Variants in ZNF611 observed in about 807,000 individuals in gnomAD.
ZNF611 encodes the protein zinc finger protein 611.
ZNF611 carries 6 observed loss-of-function variants against 8.9 expected under a neutral mutation model. That is an observed-to-expected ratio of 0.68 (90% CI 0.37 to 1.34). The LOEUF (loss-of-function observed/expected upper bound fraction) is 1.34. ZNF611 is among the 40% of genes most tolerant of loss of function. The pLI is 0.02. For synonymous variants in ZNF611, 262 were observed against 279.7 expected, an observed-to-expected ratio of 0.94 and a Z score of 0.63; for missense variants, 874 against 841.3, an observed-to-expected ratio of 1.04 and a Z score of -0.48.
rs535989904 is a variant in ZNF611, at chr19:52,706,850, A to G, written c.205T>C (p.Cys69Arg). ...GTTGACAAGACCTCCTTCATCATGC[A>G]TTTGGAAGAGATATCTACAAAATAT... ...NLEAVDISSK[C>R]MMKEVLSTGQ... The change falls in exon 6 of 6, where the codon TGC becomes CGC. Residue 69 changes from cysteine (C) to arginine (R), a missense_variant. Cys to Arg is a radical substitution (Grantham distance 180). Transcript: ENST00000652185. The G allele has an allele frequency of 2.5e-5, 41 of 1,609,434 alleles. No individual in the cohort carries two copies. Among genetic ancestry groups the G allele is most frequent in the Non-Finnish European group, 3.3e-5 (39 of 1,178,478 alleles).
In ZNF611 at chr19:52,714,556, A is replaced by C. The variant is rs560728796; in HGVS notation, c.64-415T>G. Among the ~76,000 whole-genome samples the C allele has an allele frequency of 1.5e-3, 220 of 151,268 alleles. 1 individual carries two copies. The highest frequency in any genetic ancestry group is 2.8e-3 in the Admixed American group (43 of 15,140). On this transcript the variant is annotated intron_variant, in intron 4 of 5. Transcript: ENST00000652185. ...TATAAAAATTAGCCGGGCATGGTAG[A>C]AGGCACCTGTAATCCCAGCTACACA...
intron 5 of ZNF611, chr19:52,711,169 C>T (rs1314945866): frequency 1.3e-5 from 2 of 151,762 alleles, no homozygotes; most frequent in Non-Finnish European, 2.9e-5. Context: ...CCCATCTCTA[C>T]TAAAAATACA....
At chr19:52,713,041 C>G (rs1004095988) in intron 5 of ZNF611, among the ~76,000 whole-genome samples, 1 of 152,014 alleles carries the variant, frequency 6.6e-6, no homozygotes, top group Non-Finnish European at 1.5e-5. Flanking sequence ...ATAGAACTAC[C>G]AAAAATTAGT....
chr19:52,713,120 C>A, intron 5 of ZNF611, among the ~76,000 whole-genome samples: 1 of 151,944 alleles, frequency 6.6e-6, no homozygotes. Flanking sequence ...CGCTTGAACC[C>A]AAAAGGAGGA....
At chr19:52,722,937 G>A (rs1450740739) in intron 3 of ZNF611, among the ~76,000 whole-genome samples, 1 of 149,086 alleles carries the variant, frequency 6.7e-6, no homozygotes, top group Non-Finnish European at 1.5e-5. Flanking sequence ...TAGAGATGGG[G>A]GCAATGACTA....
chr19:52,716,020 AC>A (rs1200843454), intron 3 of ZNF611, 107 bp from the exon 4 acceptor site: 26 of 1,212,510 alleles, frequency 2.1e-5, no homozygotes, highest in African/African-American at 3.0e-5. Flanking sequence ...GAAGTCCCCC[AC>A]TGCCCACTGC....
chr19:52,714,778 T>C (rs2062305199), intron 4 of ZNF611, among the ~76,000 whole-genome samples: 1 of 146,740 alleles, frequency 6.8e-6, no homozygotes, highest in African/African-American at 2.6e-5. Context: ...GACGGGCAGA[T>C]AATGTGGTCA....
chr19:52,718,109 C>G (rs553860292), intron 3 of ZNF611, among the ~76,000 whole-genome samples: 33 of 152,058 alleles, frequency 2.2e-4, no homozygotes, highest in African/African-American at 7.5e-4. Flanking sequence ...CTTTGGGAGG[C>G]CAGGGCATGA....
chr19:52,730,417 A>AAAAAC (rs2062419047), intron 1 of ZNF611, among the ~76,000 whole-genome samples: 1 of 128,858 alleles, frequency 7.8e-6, no homozygotes, highest in African/African-American at 3.2e-5. Context: ...AAAAAAAAAA[A>AAAAAC]AAAAAAACAT....
At chr19:52,727,689 A>G (rs1290569491) in intron 3 of ZNF611, among the ~76,000 whole-genome samples, 1 of 152,114 alleles carries the variant, frequency 6.6e-6, no homozygotes, top group Non-Finnish European at 1.5e-5. Flanking sequence ...CCACCTTGGC[A>G]TATCAATGTA....
chr19:52,732,412 A>C (rs2062431719), intron 1 of ZNF611, among the ~76,000 whole-genome samples: 1 of 130,448 alleles, frequency 7.7e-6, no homozygotes, highest in Non-Finnish European at 1.6e-5. Context: ...AACTCACAGT[A>C]TTGAGTTATT....
At chr19:52,725,333 A>T (rs552079311) in intron 3 of ZNF611, among the ~76,000 whole-genome samples, 6 of 152,128 alleles carry the variant, frequency 3.9e-5, no homozygotes, top group African/African-American at 7.2e-5. Flanking sequence ...CAGGCAGAGG[A>T]CCCAGCCTCC....
At chr19:52,726,199 G>GAA (rs1368162967) in intron 3 of ZNF611, among the ~76,000 whole-genome samples, 1 of 152,122 alleles carries the variant, frequency 6.6e-6, no homozygotes, top group Non-Finnish European at 1.5e-5. Flanking sequence ...GCGGGACTGG[G>GAA]TGCTCAGGCC....
At position 52,714,155 on chromosome 19, in the gene ZNF611, C is replaced by G; in HGVS notation, c.64-14G>C. 6.2e-7 allele frequency: 1 copy of G among 1,611,338 alleles called. No individual in the cohort carries two copies. Among genetic ancestry groups the G allele is most frequent in the Non-Finnish European group, 8.5e-7 (1 of 1,179,404 alleles). On this transcript the variant is annotated splice_polypyrimidine_tract_variant and intron_variant, in intron 4 of 5. Transcript: ENST00000652185. ...AGTCAAGCGTCCCTAAAATGAAACA[C>G]ACATTTCAACAAAACATTATGGAGT...
chr19:52,712,399 G>A (rs1181526771), intron 5 of ZNF611, among the ~76,000 whole-genome samples: 3 of 126,318 alleles, frequency 2.4e-5, no homozygotes, highest in Non-Finnish European at 3.2e-5. Context: ...GGTGGATCAT[G>A]TTGTCAGGAG....
chr19:52,716,596 G>T (rs1321753804), intron 3 of ZNF611, among the ~76,000 whole-genome samples: 2 of 152,128 alleles, frequency 1.3e-5, no homozygotes, highest in African/African-American at 4.8e-5. Flanking sequence ...GTGAGGGTTG[G>T]GCTGTGTGTA....
chr19:52,713,866 C>T lies in ZNF611; in HGVS notation c.190+149G>A, dbSNP rs1010071139. ...AGATCATACCATTGCACTCCAGCCT[C>T]GGCAATAGGAGCGAAACACCATCTC... On this transcript the variant is annotated intron_variant, in intron 5 of 5. Coordinates refer to ENST00000652185, the MANE Select transcript of ZNF611 (RefSeq NM_001161499.2). 20 of 1,466,282 alleles carry T rather than the reference C, an allele frequency of 1.4e-5. No individual in the cohort carries two copies. In the Admixed American group the frequency reaches 1.8e-4, roughly 13 times the overall value. The allele number at this position is 1,466,282 out of a possible 1,614,324, so 90.8% of individuals were successfully genotyped here.
intron 5 of ZNF611, chr19:52,707,683 G>T (rs1249469520): frequency 2.6e-5 from 4 of 151,686 alleles, no homozygotes; most frequent in Non-Finnish European, 4.4e-5. Context: ...ACTCCAGCTT[G>T]GAGTGCCATG....
chr19:52,707,925 C>T (rs755774085), intron 5 of ZNF611, among the ~76,000 whole-genome samples: 6 of 152,082 alleles, frequency 3.9e-5, no homozygotes, highest in Non-Finnish European at 8.8e-5. Flanking sequence ...GCCACTGCAC[C>T]TGGTGGCACT....
Sources: allele counts gnomAD v4.1 joint callset (sites outside exome capture counted in the v4.1 genomes callset), GRCh38; gene constraint gnomAD v4.1.1; transcripts MANE v1.5; gene names NCBI Gene and HGNC (gene_info 2026-07-23, HGNC 2026-07-21).